Variants in NFATC2 observed in about 807,000 individuals in gnomAD.
NFATC2 encodes the protein nuclear factor of activated T cells 2.
A neutral mutation model predicts 87.3 loss-of-function variants in NFATC2; 22 were observed. The ratio of observed to expected loss-of-function variants is 0.25; its 90% confidence interval spans 0.18 to 0.36. NFATC2 has a LOEUF of 0.36. Ranked by LOEUF, NFATC2 falls within the 10% of genes least tolerant of loss-of-function variation. The pLI is 1.00. For missense variants in NFATC2, 1,149 were observed against 1,259.1 expected (o/e 0.91, Z 1.32); for synonymous variants, 565 against 542.2 (o/e 1.04, Z -0.58).
intron 3 of NFATC2, among the ~76,000 whole-genome samples, chr20:51,486,266 A>T (rs1468364170): frequency 6.6e-6 from 1 of 151,918 alleles, no homozygotes; most frequent in Non-Finnish European, 1.5e-5. Context: ...ACAAAACTGC[A>T]TGATCAGACC....
chr20:51,484,646 C>A (rs1056391745), intron 3 of NFATC2, among the ~76,000 whole-genome samples: 1 of 152,240 alleles, frequency 6.6e-6, no homozygotes, highest in Non-Finnish European at 1.5e-5. Flanking sequence ...ACGCCCACAC[C>A]GGCTTCTCTC....
At chr20:51,560,983 A>G (rs1328129360) in intron 1 of NFATC2, among the ~76,000 whole-genome samples, 1 of 152,092 alleles carries the variant, frequency 6.6e-6, no homozygotes, top group Non-Finnish European at 1.5e-5. Context: ...ATGGAGCTAA[A>G]TTTGGCATTA....
intron 6 of NFATC2, among the ~76,000 whole-genome samples, chr20:51,439,993 T>A (rs1425601660): frequency 6.6e-6 from 1 of 152,166 alleles, no homozygotes; most frequent in Non-Finnish European, 1.5e-5. Context: ...TCCCAGCACT[T>A]TGGGAGGCCA....
intron 9 of NFATC2, among the ~76,000 whole-genome samples, chr20:51,414,410 C>T (rs1979731824): frequency 6.6e-6 from 1 of 152,198 alleles, no homozygotes; most frequent in Admixed American, 6.5e-5. Flanking sequence ...AGCAGAGAGC[C>T]AGGCATGGTG....
intron 9 of NFATC2, among the ~76,000 whole-genome samples, chr20:51,423,244 G>A (rs563155912): frequency 6.9e-6 from 1 of 144,942 alleles, no homozygotes; most frequent in African/African-American, 2.7e-5. Context: ...GAGCTATGGG[G>A]GCACCACTGC....
intron 6 of NFATC2, among the ~76,000 whole-genome samples, chr20:51,436,723 C>CAAAA (rs1983636369): frequency 2.0e-5 from 1 of 51,078 alleles, no homozygotes; most frequent in African/African-American, 4.0e-5. Flanking sequence ...TCAAAACAAA[C>CAAAA]AAACAAACAA....
At chr20:51,542,728 A>T (rs2076842424), upstream of NFATC2, 3 of 600,978 alleles carry the variant, frequency 5.0e-6, no homozygotes, top group Admixed American at 3.1e-4. Flanking sequence ...CTCCGGAGGC[A>T]CCTGTTGCAG....
intron 5 of NFATC2, among the ~76,000 whole-genome samples, chr20:51,456,612 G>A (rs1188595514): frequency 2.0e-5 from 3 of 152,308 alleles, no homozygotes; most frequent in Non-Finnish European, 2.9e-5. Flanking sequence ...TCCTTCCAGC[G>A]TGGGCCAAGA....
intron 6 of NFATC2, among the ~76,000 whole-genome samples, chr20:51,442,706 TG>T (rs768637072): frequency 0.057 from 6,150 of 107,714 alleles, 354 homozygotes; most frequent in African/African-American, 0.16. Context: ...AAATAAAGTT[TG>T]TTTTTTTTTT....
At chr20:51,475,412 C>A (rs1030591415) in intron 4 of NFATC2, 46 bp downstream of exon 4, 2 of 1,600,116 alleles carry the variant, frequency 1.2e-6, no homozygotes, top group African/African-American at 2.7e-5. Context: ...CTGCCCCCTG[C>A]TCGCTTCTCC....
intron 3 of NFATC2, among the ~76,000 whole-genome samples, chr20:51,499,146 G>C (rs1009595403): frequency 6.6e-6 from 1 of 152,146 alleles, no homozygotes; most frequent in African/African-American, 2.4e-5. Flanking sequence ...GACACAGGAG[G>C]GCTCAGAATG....
chr20:51,436,845 A>T (rs1983657672), intron 6 of NFATC2, among the ~76,000 whole-genome samples: 1 of 152,222 alleles, frequency 6.6e-6, no homozygotes, highest in Non-Finnish European at 1.5e-5. Flanking sequence ...CAGGTCCCTG[A>T]CTGTCCCAGA....
intron 5 of NFATC2, among the ~76,000 whole-genome samples, chr20:51,456,634 C>T (rs547156307): frequency 2.0e-5 from 3 of 152,320 alleles, no homozygotes; most frequent in East Asian, 1.9e-4. Context: ...GCCAGGCCCG[C>T]CCCCTGGGGT....
intron 3 of NFATC2, among the ~76,000 whole-genome samples, chr20:51,503,482 G>A (rs911531020): frequency 2.6e-5 from 4 of 152,186 alleles, no homozygotes; most frequent in African/African-American, 9.7e-5. Context: ...TAGGTCCCAT[G>A]ACCATCTCAA....
rs2057694009 is a variant in NFATC2, at chr20:51,398,665, C to G, written c.*22G>C. 6.2e-7 allele frequency: 1 copy of G among 1,609,428 alleles called. No individual in the cohort carries two copies. Among genetic ancestry groups the G allele is most frequent in the African/African-American group, 1.3e-5 (1 of 74,794 alleles). ...TACCTTTAACTTTGATTTCTCGGAT[C>G]AAAGATCACAGTCATTCTGTTTCAT... On this transcript the variant is annotated 3_prime_UTR_variant, in exon 10 of 11. Coordinates refer to ENST00000371564, the MANE Select transcript of NFATC2 (RefSeq NM_012340.5).
At chr20:51,470,142 G>A (rs913760020) in intron 5 of NFATC2, among the ~76,000 whole-genome samples, 2 of 152,138 alleles carry the variant, frequency 1.3e-5, no homozygotes, top group African/African-American at 4.8e-5. Context: ...CTTGTTGTTG[G>A]GGAAGACGGG....
chr20:51,411,559 GCT>G lies in NFATC2; in HGVS notation c.2723-12831_2723-12830del, dbSNP rs1483130313. Among the ~76,000 whole-genome samples, 3 of 106,854 alleles carry G rather than the reference GCT, an allele frequency of 2.8e-5. No individual in the cohort carries two copies. The East Asian group carries it at 9.0e-4, about 32-fold the overall frequency. 70.1% of individuals were successfully genotyped at this position (106,854 alleles called of 152,430 possible). A position where few individuals can be genotyped will look rare whatever the true frequency, so the allele number is the denominator to read the frequency against. ...TTTTTTTTTTTTGAGACAGAGTCTT[GCT>G]CTTTCTCCCAGGCTCGTGTGCAGTA... On this transcript the variant is annotated intron_variant, in intron 9 of 10. Coordinates refer to ENST00000371564, the MANE Select transcript of NFATC2 (RefSeq NM_012340.5).
At chr20:51,489,350 G>A (rs2075843217) in intron 3 of NFATC2, among the ~76,000 whole-genome samples, 1 of 152,196 alleles carries the variant, frequency 6.6e-6, no homozygotes, top group South Asian at 2.1e-4. Context: ...TTTGAACCCT[G>A]AGGTGACCTG....
intron 1 of NFATC2, among the ~76,000 whole-genome samples, chr20:51,531,870 G>A (rs888049637): frequency 8.6e-5 from 13 of 151,800 alleles, no homozygotes; most frequent in South Asian, 2.1e-4. Context: ...AAAGCATTAC[G>A]AAAAAAAGGA....
Sources: allele counts gnomAD v4.1 joint callset (sites outside exome capture counted in the v4.1 genomes callset), GRCh38; gene constraint gnomAD v4.1.1; transcripts MANE v1.5; gene names NCBI Gene and HGNC (gene_info 2026-07-23, HGNC 2026-07-21).